E4F1: variants seen among roughly 807,000 people sequenced by gnomAD.
The protein encoded by E4F1 is E4F transcription factor 1, also known as transcription factor E4F1.
A neutral mutation model predicts 72.9 loss-of-function variants in E4F1; 30 were observed. The observed-to-expected ratio is 0.41, with a 90% CI of 0.31 to 0.56. The LOEUF (loss-of-function observed/expected upper bound fraction) is 0.56, where lower values mean the gene tolerates loss of function less well. Ranked by LOEUF, E4F1 falls within the 20% of genes least tolerant of loss-of-function variation. E4F1 has a pLI of 0.25. For synonymous variants in E4F1, 542 were observed against 478.2 expected (o/e 1.13, Z -1.74); for missense variants, 1,091 against 1,117.5 (o/e 0.98, Z 0.34).
intron 10 of E4F1, 46 bp from the exon 11 acceptor site, chr16:2,234,537 T>G: frequency 6.4e-7 from 1 of 1,554,648 alleles, no homozygotes; most frequent in African/African-American, 1.4e-5. Flanking sequence ...AGAGCTGTAG[T>G]CTGTTGTGGC....
At position 2,235,624 on chromosome 16, in the gene E4F1, G is replaced by A. The variant is rs757549249; in HGVS notation, c.*52G>A. 4.7e-6 allele frequency: 7 copies of A among 1,475,518 alleles called. No individual in the cohort carries two copies. The Admixed American group carries it at 6.5e-5, about 14-fold the overall frequency. The allele number at this position is 1,475,518 out of a possible 1,614,324, so 91.4% of individuals were successfully genotyped here. ...GCAGGGACAGGGCAGAGGACTCTGA[G>A]CGCCCCACCCATGCCTGCCTGGCCT... On this transcript the variant is annotated 3_prime_UTR_variant, in exon 14 of 14. Coordinates refer to ENST00000301727, the MANE Select transcript of E4F1 (RefSeq NM_004424.5).
chr16:2,227,989 T>G (rs1439991083), intron 1 of E4F1, among the ~76,000 whole-genome samples: 1 of 152,130 alleles, frequency 6.6e-6, no homozygotes, highest in East Asian at 1.9e-4. Context: ...CCTGGTCCTT[T>G]ACTGTCCCCA....
chr16:2,227,863 T>C (rs1234917606), intron 1 of E4F1, among the ~76,000 whole-genome samples: 1 of 148,542 alleles, frequency 6.7e-6, no homozygotes, highest in African/African-American at 2.5e-5. Flanking sequence ...TGGGTCTTGC[T>C]ATGTTGACCA....
Position 2,232,267 on chromosome 16 carries a change from T to A in E4F1, c.512T>A (p.Leu171Gln). 6.2e-7 allele frequency: 1 copy of A among 1,612,344 alleles called. No homozygotes were observed. Among genetic ancestry groups the A allele is most frequent in the Non-Finnish European group, 8.5e-7 (1 of 1,179,586 alleles). ...CCGGGCAGCCCCCGCCAGCAGGGGC[T>A]GGGGCTCGCAGGGGAGGGTGAGCAG... ...EAPGSPRQQG[L>Q]GLAGEGEQAQ... The change falls in exon 4 of 14, where the codon CTG (leucine) becomes CAG (glutamine). Residue 171 changes from leucine to glutamine, a missense_variant. By Grantham distance (113) the Leu-to-Gln change is moderately radical (BLOSUM62 -2). This residue lies in a region of E4F1 where 362 missense variants were observed against 358.6 expected (regional missense o/e 1.01). Coordinates refer to ENST00000301727, the MANE Select transcript of E4F1 (RefSeq NM_004424.5).
At chr16:2,227,179 G>A (rs552331332) in intron 1 of E4F1, among the ~76,000 whole-genome samples, 2 of 151,908 alleles carry the variant, frequency 1.3e-5, no homozygotes, top group South Asian at 2.1e-4. Flanking sequence ...GGTGCATGCC[G>A]CCACACTTCC....
intron 1 of E4F1, 107 bp from the exon 2 acceptor site, chr16:2,228,265 A>T: frequency 6.9e-7 from 1 of 1,457,656 alleles, no homozygotes; most frequent in Non-Finnish European, 9.5e-7. Context: ...TCTGCTTCTG[A>T]TGGCCTCCTG....
intron 3 of E4F1, chr16:2,230,108 G>A (rs557840914): frequency 6.7e-5 from 13 of 195,122 alleles, no homozygotes; most frequent in Admixed American, 3.1e-4. Flanking sequence ...GGACTCTCCC[G>A]CCTCTCTAGC....
intron 1 of E4F1, among the ~76,000 whole-genome samples, chr16:2,224,294 T>C (rs1567294661): frequency 1.3e-5 from 2 of 152,218 alleles, no homozygotes; most frequent in Non-Finnish European, 1.5e-5. Flanking sequence ...CTTGCCGCTT[T>C]CTAGTTCTTT....
chr16:2,223,653 A>T lies in E4F1; in HGVS notation c.40A>T (p.Thr14Ser), dbSNP rs919955245. The T allele has an allele frequency of 6.3e-7, 1 of 1,589,508 alleles. No homozygotes were observed. ...GGCAGTGCGGGTGACGGCCGCTCAT[A>T]CGGCAGAAGCCCAGGCCGAAGCCGG... ...AMAVRVTAAH[T>S]AEAQAEAGRE... Residue 14 changes from threonine (T) to serine (S), a missense_variant, in exon 1 of 14, where the codon ACG (threonine) becomes TCG (serine). Physicochemically the swap from Thr to Ser is moderately conservative, Grantham distance 58. Coordinates refer to ENST00000301727, the MANE Select transcript of E4F1 (RefSeq NM_004424.5).
rs1034353156 is a variant in E4F1 at position 2,229,806 on chromosome 16, G to T, written c.415+131G>T. ...GGCTGGGAGGGGCCGCGGCCTCGTG[G>T]CAGCCTTTCTGCGGGCACAGCCTGC... On this transcript the variant is annotated intron_variant, in intron 3 of 13. Coordinates refer to ENST00000301727, the MANE Select transcript of E4F1 (RefSeq NM_004424.5). The T allele has an allele frequency of 1.2e-5, 11 of 955,788 alleles. No individual in the cohort carries two copies. The African/African-American group carries it at 1.8e-4, about 16-fold the overall frequency. 59.2% of individuals were successfully genotyped at this position (955,788 alleles called of 1,614,324 possible).
chr16:2,229,142 C>T (rs1833141965), intron 2 of E4F1, among the ~76,000 whole-genome samples: 1 of 152,240 alleles, frequency 6.6e-6, no homozygotes, highest in Admixed American at 6.5e-5. Context: ...TTACCTGCTC[C>T]TCCCAGAGGT....
chr16:2,224,640 C>G (rs1469650829), intron 1 of E4F1, among the ~76,000 whole-genome samples: 1 of 151,330 alleles, frequency 6.6e-6, no homozygotes, highest in Non-Finnish European at 1.5e-5. Context: ...TACAAAAAAA[C>G]AAAATTAGCC....
Position 2,232,880 on chromosome 16 carries a change from G to A in E4F1, c.855G>A (p.Val285=), listed in dbSNP as rs1215458833. The part of the protein sequence containing the change: ...EKIRFSVSKD[V]VVSKEDARAG... ...TCCGCTTCAGTGTGAGCAAGGACGT[G>A]GTTGTCAGCAAAGAGGACGCACGTG... The change falls in exon 6 of 14, where the codon GTG becomes GTA. Residue 285 remains valine, a synonymous_variant. Coordinates refer to ENST00000301727, the MANE Select transcript of E4F1 (RefSeq NM_004424.5). The A allele has an allele frequency of 6.2e-7, 1 of 1,613,418 alleles. No homozygotes were observed.
intron 5 of E4F1, 86 bp from the exon 6 acceptor site, chr16:2,232,670 A>C: frequency 1.2e-6 from 2 of 1,604,654 alleles, no homozygotes; most frequent in Non-Finnish European, 1.7e-6. Context: ...TTGGGGGATG[A>C]GGCGGGGGCC....
Position 2,224,197 on chromosome 16 carries a change from T to C in E4F1, c.157+427T>C, listed in dbSNP as rs575101270. 3.3e-5 allele frequency among the ~76,000 whole-genome samples: 5 copies of C among 152,324 alleles called. No individual in the cohort carries two copies. The South Asian group carries it at 1.0e-3, about 32-fold the overall frequency. On this transcript the variant is annotated intron_variant, in intron 1 of 13. Transcript: ENST00000301727. ...GCCTCGGTTTCTCCAGGATCTGGGC[T>C]CTGGGCCTGTCCGTAGGGAGGCAGC...
At chr16:2,227,379 T>G (rs1473750459) in intron 1 of E4F1, among the ~76,000 whole-genome samples, 1 of 152,098 alleles carries the variant, frequency 6.6e-6, no homozygotes, top group Admixed American at 6.6e-5. Flanking sequence ...CTGGCTAATA[T>G]TGTTTTTTTT....
Position 2,223,634 on chromosome 16 carries a change from G to T in E4F1, c.21G>T (p.Val7=), listed in dbSNP as rs778961089. The change falls in exon 1 of 14, where the codon GTG becomes GTT. Residue 7 remains valine, a synonymous_variant. Coordinates refer to ENST00000301727, the MANE Select transcript of E4F1 (RefSeq NM_004424.5). ...GCGACATGGAGGGCGCGATGGCAGTGCGGGTGACGGCCGCTCATACGGCAG... is the reference window on the plus strand; with the variant it reads ...GCGACATGGAGGGCGCGATGGCAGTTCGGGTGACGGCCGCTCATACGGCAG... MEGAMA[V]RVTAAHTAEA... is the part of the protein sequence containing the mutation. 4 of 1,589,956 alleles carry T rather than the reference G, an allele frequency of 2.5e-6. No homozygotes were observed. Among genetic ancestry groups the T allele is most frequent in the Non-Finnish European group, 1.7e-6 (2 of 1,173,776 alleles).
Position 2,232,496 on chromosome 16 carries a change from G to T in E4F1, c.650G>T (p.Arg217Leu). Reference sequence around the variant, plus strand: ...GCCCACATGGTCACTCACAGCAGCCGCAAGGACCACGAGTGCAAGCTCTGT... The same window carrying T: ...GCCCACATGGTCACTCACAGCAGCCTCAAGGACCACGAGTGCAAGCTCTGT... ...LKAHMVTHSS[R>L]KDHECKLCGA... The change falls in exon 5 of 14, where the codon CGC becomes CTC. Residue 217 changes from arginine to leucine, a missense_variant. Physicochemically the swap from Arg to Leu is moderately radical, Grantham distance 102. Transcript: ENST00000301727. 6.2e-7 allele frequency: 1 copy of T among 1,611,398 alleles called. No individual in the cohort carries two copies. The highest frequency in any genetic ancestry group is 8.5e-7 in the Non-Finnish European group (1 of 1,179,342).
At chr16:2,233,276 C>G in intron 7 of E4F1, 93 bp downstream of exon 7, 1 of 1,499,412 alleles carries the variant, frequency 6.7e-7, no homozygotes. Context: ...GGGTCTGAGC[C>G]AGGCAGGCGA....
Sources: gnomAD v4.1 joint callset for allele counts (sites outside exome capture counted in the v4.1 genomes callset) on GRCh38, gnomAD v4.1.1 for gene constraint, gnomAD v4.1.1 regional missense constraint, MANE v1.5 for transcripts, NCBI Gene and HGNC (gene_info 2026-07-23, HGNC 2026-07-21) for gene names.